Variants in SYNE2 observed in about 807,000 individuals in gnomAD.
SYNE2 encodes nesprin-2.
A neutral mutation model predicts 856.3 loss-of-function variants in SYNE2; 431 were observed. The ratio of observed to expected loss-of-function variants is 0.50; its 90% CI spans 0.47 to 0.55. The LOEUF (loss-of-function observed/expected upper bound fraction) is 0.55. Among genes scored for constraint, SYNE2 ranks in the 20% least tolerant of loss-of-function variants. The pLI is 0.00. For synonymous variants in SYNE2, 2,923 were observed against 2,872.3 expected, an observed-to-expected ratio of 1.02 and a Z score of -0.56; for missense variants, 8,129 against 8,023.2, an observed-to-expected ratio of 1.01 and a Z score of -0.50.
At chr14:64,148,745 TAAAAC>T (rs777927765) in intron 84 of SYNE2, among the ~76,000 whole-genome samples, 6 of 152,080 alleles carry the variant, frequency 3.9e-5, no homozygotes, top group Non-Finnish European at 8.8e-5. Context: ...AGCAAATAAA[TAAAAC>T]AGGCTTCCCT....
chr14:63,996,801 T>A, intron 23 of SYNE2, 146 bp from the exon 24 acceptor site: 1 of 774,308 alleles, frequency 1.3e-6, no homozygotes, highest in Non-Finnish European at 2.2e-6. Flanking sequence ...TCATCTTTTT[T>A]TCTCTAGCGC....
intron 49 of SYNE2, among the ~76,000 whole-genome samples, chr14:64,060,180 C>T (rs1337728769): frequency 6.6e-6 from 1 of 152,096 alleles, no homozygotes; most frequent in East Asian, 1.9e-4. Flanking sequence ...AAGACAGTCT[C>T]CTTTACTCTT....
chr14:64,069,636 G>A (rs886965636), intron 51 of SYNE2, among the ~76,000 whole-genome samples: 12 of 152,154 alleles, frequency 7.9e-5, no homozygotes, highest in Non-Finnish European at 1.0e-4. Flanking sequence ...CAAAAGGTCC[G>A]TTCAGTGCTG....
At chr14:64,183,447 G>A (rs1293936021) in intron 96 of SYNE2, among the ~76,000 whole-genome samples, 1 of 151,774 alleles carries the variant, frequency 6.6e-6, no homozygotes, top group East Asian at 2.0e-4. Flanking sequence ...CAGCCAGGCA[G>A]AGGGGCTCCT....
rs1053028383 is a variant in SYNE2, at chr14:63,887,913, C to T, written c.-51-21185C>T. On this transcript the variant is annotated intron_variant, in intron 1 of 115. Coordinates refer to ENST00000555002, the MANE Select transcript of SYNE2 (RefSeq NM_182914.3). ...GATTACAGGAATGTGCCACCATGCC[C>T]GGCTAACTTTTATATTTTTTGCAGA... 4.5e-4 allele frequency among the ~76,000 whole-genome samples: 68 copies of T among 151,844 alleles called. 1 individual carries two copies. Among genetic ancestry groups the T allele is most frequent in the African/African-American group, 1.5e-3 (61 of 41,316 alleles).
In SYNE2 at chr14:63,967,457, G is replaced by C. The variant is rs116895145; in HGVS notation, c.991-252G>C. 1.1e-3 allele frequency among the ~76,000 whole-genome samples: 160 copies of C among 152,256 alleles called. 2 individuals carry two copies. In the East Asian group the frequency reaches 0.015, roughly 14 times the overall value. ...ATCTGTCCTGTAGCCCAGTGACCTTGCTGCTCCATTCCAGTATAAATCCAA... is the reference window on the plus strand; with the variant it reads ...ATCTGTCCTGTAGCCCAGTGACCTTCCTGCTCCATTCCAGTATAAATCCAA... On this transcript the variant is annotated intron_variant, in intron 10 of 115. Transcript: ENST00000555002.
At chr14:63,897,375 T>C (rs1210796484) in intron 1 of SYNE2, among the ~76,000 whole-genome samples, 1 of 152,270 alleles carries the variant, frequency 6.6e-6, no homozygotes, top group Non-Finnish European at 1.5e-5. Flanking sequence ...CATGCTGATA[T>C]TGGCTGTTCA....
chr14:64,223,494 G>T (rs1006387335), intron 113 of SYNE2, 114 bp downstream of exon 113: 9 of 1,167,612 alleles, frequency 7.7e-6, no homozygotes, highest in Non-Finnish European at 1.1e-5. Flanking sequence ...CAGGTGGTCC[G>T]AGTGGGGCCT....
rs1199381122 is a variant in SYNE2, at chr14:63,976,630, T to C, written c.1196T>C (p.Leu399Pro). Residue 399 changes from leucine (L) to proline (P), a missense_variant, in exon 12 of 116, where the codon CTC (leucine) becomes CCC (proline). Physicochemically the swap from Leu to Pro is moderately conservative, Grantham distance 98 (BLOSUM62 -3). Around this residue, in one of 3 missense-constraint regions of SYNE2, gnomAD observed 2,422 missense variants for 2,357.4 expected, o/e 1.03. Transcript: ENST00000555002. The stretch of plus-strand genomic sequence containing the variant: ...CCCCTCCATCAAACTGAAGCTTGGC[T>C]CCAGGAGGTAGAAGAGCTTATGGAT... ...PPPLHQTEAW[L>P]QEVEELMDED... 4 of 1,609,560 alleles carry C rather than the reference T, an allele frequency of 2.5e-6. No homozygotes were observed. Among genetic ancestry groups the C allele is most frequent in the Admixed American group, 3.4e-5 (2 of 59,158 alleles).
intron 1 of SYNE2, among the ~76,000 whole-genome samples, chr14:63,889,262 A>G (rs2095071838): frequency 6.6e-6 from 1 of 152,006 alleles, no homozygotes. Flanking sequence ...TGTAGAAAAT[A>G]AATTGAATGA....
chr14:63,939,322 TG>T (rs1218198822), intron 2 of SYNE2, among the ~76,000 whole-genome samples: 1 of 151,326 alleles, frequency 6.6e-6, no homozygotes, highest in Non-Finnish European at 1.5e-5. Flanking sequence ...GTCTTCCCCT[TG>T]ACTCCTACCT....
intron 44 of SYNE2, among the ~76,000 whole-genome samples, 185 bp downstream of exon 44, chr14:64,030,244 T>C (rs750827938): frequency 1.3e-5 from 2 of 152,220 alleles, no homozygotes; most frequent in African/African-American, 2.4e-5. Flanking sequence ...CCATTTATAA[T>C]TGGAATTGAC....
At chr14:64,065,958 C>G (rs984852282) in intron 51 of SYNE2, among the ~76,000 whole-genome samples, 1 of 152,134 alleles carries the variant, frequency 6.6e-6, no homozygotes, top group Non-Finnish European at 1.5e-5. Context: ...ATAACTGTCT[C>G]TACATTATAC....
intron 1 of SYNE2, among the ~76,000 whole-genome samples, chr14:63,771,382 T>A (rs1017833214): frequency 6.6e-6 from 1 of 152,138 alleles, no homozygotes; most frequent in Non-Finnish European, 1.5e-5. Context: ...TTATACACTC[T>A]TGATGTGACT....
intron 66 of SYNE2, among the ~76,000 whole-genome samples, chr14:64,117,128 C>T (rs1164095898): frequency 6.6e-6 from 1 of 152,072 alleles, no homozygotes; most frequent in Non-Finnish European, 1.5e-5. Flanking sequence ...TATGTTTTTT[C>T]GATCTGACAA....
chr14:63,889,654 T>G (rs955160810), intron 1 of SYNE2, among the ~76,000 whole-genome samples: 1 of 151,968 alleles, frequency 6.6e-6, no homozygotes, highest in African/African-American at 2.4e-5. Flanking sequence ...TTATTTCTAT[T>G]TTTTGTAGAG....
intron 45 of SYNE2, among the ~76,000 whole-genome samples, chr14:64,040,227 ACT>A (rs945502082): frequency 7.9e-5 from 12 of 152,116 alleles, no homozygotes; most frequent in Non-Finnish European, 1.3e-4. Flanking sequence ...ACAAAGGAAC[ACT>A]CTACCACAAG....
At position 64,031,324 on chromosome 14, in the gene SYNE2, G is replaced by A. The variant is rs200381892; in HGVS notation, c.7188G>A (p.Val2396=). Residue 2396 remains valine (V), a synonymous_variant, in exon 45 of 116, where the codon GTG becomes GTA. Transcript: ENST00000555002. ...AGTCTACTCAGGAATCAGCTGCAGT[G>A]GAAAAGTTGGAGGAAGACTGGGAAA... ...VQESTQESAA[V]EKLEEDWEIN... 1 of 1,614,112 alleles carries A rather than the reference G, an allele frequency of 6.2e-7. No individual in the cohort carries two copies. Among genetic ancestry groups the A allele is most frequent in the African/African-American group, 1.3e-5 (1 of 75,050 alleles).
chr14:63,896,647 G>C (rs1224982090), intron 1 of SYNE2, among the ~76,000 whole-genome samples: 1 of 152,204 alleles, frequency 6.6e-6, no homozygotes, highest in African/African-American at 2.4e-5. Context: ...GCTGATGATT[G>C]CCCAAGGCCG....
Sources: gnomAD v4.1 joint callset for allele counts (sites outside exome capture counted in the v4.1 genomes callset) on GRCh38, gnomAD v4.1.1 for gene constraint, gnomAD v4.1.1 regional missense constraint, MANE v1.5 for transcripts, NCBI Gene and HGNC (gene_info 2026-07-23, HGNC 2026-07-21) for gene names.